The following ZNF185 variants were observed in gnomAD, a reference collection of about 807,000 sequenced individuals.
ZNF185 encodes the protein zinc finger protein 185.
In ZNF185, 56 loss-of-function variants were observed where a neutral mutation model predicts 58.6. The ratio of observed to expected loss-of-function variants is 0.95; its 90% CI spans 0.77 to 1.19. The LOEUF is 1.19. ZNF185 is among the 50% of genes most tolerant of loss of function. The pLI is 0.00. For synonymous variants in ZNF185, 230 were observed against 215.9 expected, an observed-to-expected ratio of 1.07 and a Z score of -0.57; for missense variants, 627 against 573.5, an observed-to-expected ratio of 1.09 and a Z score of -0.95.
At chrX:152,958,988 G>A (rs1055705080) in intron 16 of ZNF185, among the ~76,000 whole-genome samples, 1 of 112,253 alleles carries the variant, frequency 8.9e-6, no homozygotes, top group Non-Finnish European at 1.9e-5. Context: ...GAAATGAGAC[G>A]ATCAACAAAG....
At chrX:152,920,853 G>C in intron 9 of ZNF185, 105 bp downstream of exon 10, 1 of 978,778 alleles carries the variant, frequency 1.0e-6, no homozygotes, top group South Asian at 2.1e-5. Flanking sequence ...ATGTGGATGT[G>C]GGGGACTACT....
intron 1 of ZNF185, 51 bp from the exon 3 acceptor site, chrX:152,914,659 G>C: frequency 1.7e-6 from 2 of 1,186,254 alleles, no homozygotes; most frequent in Non-Finnish European, 2.3e-6. Context: ...GGAGGTCGAG[G>C]GTCCTGGGGC....
intron 18 of ZNF185, among the ~76,000 whole-genome samples, chrX:152,964,711 CAG>C (rs1327098316): frequency 2.7e-4 from 30 of 110,993 alleles, no homozygotes; most frequent in African/African-American, 8.9e-4. Flanking sequence ...GGCCACCTGT[CAG>C]GGTGCAGGAA....
chrX:152,951,988 A>G (rs1287101213), intron 16 of ZNF185, among the ~76,000 whole-genome samples: 1 of 112,542 alleles, frequency 8.9e-6, no homozygotes, highest in Admixed American at 9.4e-5. Flanking sequence ...ATTATAAAAC[A>G]TAATTACTGT....
At position 152,938,913 on chromosome X, in the gene ZNF185, G is replaced by A. The variant is rs781783160; in HGVS notation, c.1211+750G>A. On this transcript the variant is annotated intron_variant, in intron 15 of 22. Transcript: ENST00000449285. ...AACTCAGGCGATCTCCTCTAAAGAG[G>A]AGAAGGAGCCAACTCTAGAAAGAAC... 6.6e-4 allele frequency among the ~76,000 whole-genome samples: 48 copies of A among 72,359 alleles called. No homozygotes were observed. The South Asian group carries it at 9.5e-3, about 14-fold the overall frequency. 62.8% of individuals were successfully genotyped at this position (72,359 alleles called of 115,157 possible).
In ZNF185 at chrX:152,914,679, C is replaced by T. The variant is rs782136637; in HGVS notation, c.35-31C>T. ...TCGAGGGTCCTGGGGCTGCATTCCT[C>T]TTCTGAGGCGGTTGGCTTTTCCCAC... On this transcript the variant is annotated intron_variant, in intron 1 of 22. Coordinates refer to ENST00000449285, the Ensembl canonical transcript of ZNF185. 5 of 1,192,831 alleles carry T rather than the reference C, an allele frequency of 4.2e-6. No homozygotes were observed. In the East Asian group the frequency reaches 1.2e-4, roughly 29 times the overall value.
In ZNF185 at chrX:152,936,530, T is replaced by C; in HGVS notation, c.1122-1544T>C. On this transcript the variant is annotated intron_variant, in intron 14 of 22. Transcript: ENST00000449285. The stretch of plus-strand genomic sequence containing the variant: ...AGCCATCAGGTAAGGTTAGGGCCAC[T>C]GCCCTAGTGCCCTATCCCATTGCCA... 7.1e-6 allele frequency: 8 copies of C among 1,124,925 alleles called. No homozygotes were observed. Among genetic ancestry groups the C allele is most frequent in the Non-Finnish European group, 9.6e-6 (8 of 836,352 alleles). The allele number at this position is 1,124,925 out of a possible 1,213,427, so 92.7% of individuals were successfully genotyped here. A position where few individuals can be genotyped will look rare whatever the true frequency, so the allele number is the denominator to read the frequency against.
rs782028781 is a variant in ZNF185, at chrX:152,962,035, A to T, written c.1608-1804A>T. Among the ~76,000 whole-genome samples the T allele has an allele frequency of 8.9e-5, 10 of 111,845 alleles. No individual in the cohort carries two copies. In the East Asian group the frequency reaches 2.8e-3, roughly 31 times the overall value. ...AAGGATGGTTAGGGAAAGCTTTTCT[A>T]TCGAGGAGGAGACAGTTCGGCTGAG... is the stretch of plus-strand genomic sequence containing the variant. On this transcript the variant is annotated intron_variant, in intron 17 of 22. Transcript: ENST00000449285.
chrX:152,919,025 C>CGAGGAG (rs781814997), exon 7 of ZNF185: 11 of 1,204,541 alleles, frequency 9.1e-6, no homozygotes, highest in Admixed American at 6.6e-5. Flanking sequence ...CAGGGGACAC[C>CGAGGAG]GAGGAGGAGG....
intron 15 of ZNF185, among the ~76,000 whole-genome samples, chrX:152,940,419 T>TGGTGGGGGTGGGGGTGGG (rs1295182891): frequency 3.2e-5 from 1 of 30,796 alleles, no homozygotes; most frequent in African/African-American, 1.4e-4. Context: ...GCTGGGAGTG[T>TGGTGGGGGTGGGGGTGGG]GGTGGGGGTG....
At chrX:152,938,029 C>G (rs782692994) in intron 14 of ZNF185, 45 bp from the exon 17 acceptor site, 3 of 1,142,202 alleles carry the variant, frequency 2.6e-6, no homozygotes, top group Non-Finnish European at 3.5e-6. Context: ...GGGCCCCAGC[C>G]TTCTTTGGTC....
chrX:152,912,973 T>G, upstream of ZNF185, among the ~76,000 whole-genome samples: 1 of 113,111 alleles, frequency 8.8e-6, no homozygotes, highest in South Asian at 3.6e-4. Context: ...GTGCCATTCC[T>G]GGCACACAGC....
chrX:152,928,761 C>A, intron 12 of ZNF185, 100 bp downstream of exon 13: 1 of 870,468 alleles, frequency 1.1e-6, no homozygotes, highest in Admixed American at 3.0e-5. Context: ...GCCGGCTCTG[C>A]CACTGTAGGG....
chrX:152,915,251 C>T (rs1556865079), intron 3 of ZNF185, 48 bp downstream of exon 4: 1 of 1,171,381 alleles, frequency 8.5e-7, no homozygotes, highest in Admixed American at 2.3e-5. Flanking sequence ...CAGGGACTCT[C>T]CTGCAGCTTG....
chrX:152,947,890 CTTTT>C (rs2047941026), intron 16 of ZNF185, among the ~76,000 whole-genome samples: 1 of 111,729 alleles, frequency 9.0e-6, no homozygotes, highest in South Asian at 3.8e-4. Flanking sequence ...TTCTGCTCTT[CTTTT>C]GTCTCAAAAA....
chrX:152,928,431 CA>C, intron 11 of ZNF185, 143 bp from the exon 13 acceptor site: 1 of 580,334 alleles, frequency 1.7e-6, no homozygotes, highest in Admixed American at 3.3e-5. Flanking sequence ...TCAGCTGCAG[CA>C]CCAACAAGGC....
At chrX:152,927,321 T>TTGAGGATGA (rs1941050767) in intron 11 of ZNF185, among the ~76,000 whole-genome samples, 2 of 111,787 alleles carry the variant, frequency 1.8e-5, no homozygotes, top group Non-Finnish European at 3.8e-5. Flanking sequence ...GCCTTGTCCT[T>TTGAGGATGA]GGTAGCCCTT....
At chrX:152,935,689 G>T (rs2046202263) in intron 14 of ZNF185, among the ~76,000 whole-genome samples, 1 of 112,331 alleles carries the variant, frequency 8.9e-6, no homozygotes, top group African/African-American at 3.2e-5. Context: ...CCTTTCCTTG[G>T]ATCTGCTCAG....
At chrX:152,922,589 C>T (rs1475662484) in intron 10 of ZNF185, 131 bp from the exon 12 acceptor site, 20 of 637,914 alleles carry the variant, frequency 3.1e-5, no homozygotes, top group Non-Finnish European at 4.3e-5. Context: ...TTTGAGAGGG[C>T]CAGCCACCAT....
Sources: gnomAD v4.1 joint callset for allele counts (sites outside exome capture counted in the v4.1 genomes callset) on GRCh38, gnomAD v4.1.1 for gene constraint, MANE v1.5 for transcripts, NCBI Gene and HGNC (gene_info 2026-07-23, HGNC 2026-07-21) for gene names.